Variants in ARHGAP10 observed in about 807,000 individuals in gnomAD.
The protein encoded by ARHGAP10 is Rho GTPase activating protein 10.
In ARHGAP10, 87 loss-of-function variants were observed where a neutral mutation model predicts 108.6. The observed-to-expected ratio is 0.80, with a 90% CI of 0.67 to 0.96. The LOEUF is 0.96. Ranked by LOEUF, ARHGAP10 falls within the 40% of genes least tolerant of loss-of-function variation. The probability of loss-of-function intolerance (pLI) is 0.00; values close to 1 mark genes in which losing one functional copy is unlikely to be tolerated. For synonymous variants in ARHGAP10, 347 were observed against 341.1 expected (o/e 1.02, Z -0.19); for missense variants, 939 against 954.5 (o/e 0.98, Z 0.21).
intron 3 of ARHGAP10, among the ~76,000 whole-genome samples, chr4:147,835,172 C>T (rs1196669095): frequency 6.6e-6 from 1 of 152,122 alleles, no homozygotes; most frequent in Non-Finnish European, 1.5e-5. Flanking sequence ...TGAGGAAACC[C>T]TTGTCCAGAG....
At chr4:147,993,357 G>T (rs555553990) in intron 18 of ARHGAP10, among the ~76,000 whole-genome samples, 1 of 152,358 alleles carries the variant, frequency 6.6e-6, no homozygotes, top group African/African-American at 2.4e-5. Flanking sequence ...AGGTGATGAT[G>T]TATGTAGGAG....
intron 1 of ARHGAP10, among the ~76,000 whole-genome samples, chr4:147,805,346 C>T (rs1166819332): frequency 6.6e-6 from 1 of 152,088 alleles, no homozygotes; most frequent in African/African-American, 2.4e-5. Context: ...GTCTTTGTAC[C>T]AGTACCATGC....
At chr4:147,770,305 A>T (rs1420393501) in intron 1 of ARHGAP10, among the ~76,000 whole-genome samples, 3 of 152,194 alleles carry the variant, frequency 2.0e-5, no homozygotes, top group Admixed American at 2.0e-4. Context: ...TGGGAGGATC[A>T]TTGGAGGTCA....
chr4:147,991,387 A>G (rs1437997757), intron 18 of ARHGAP10, among the ~76,000 whole-genome samples: 1 of 152,086 alleles, frequency 6.6e-6, no homozygotes, highest in African/African-American at 2.4e-5. Context: ...AGCAATCCAA[A>G]TCCACATCCC....
chr4:148,002,449 C>A (rs1578778960), intron 18 of ARHGAP10, among the ~76,000 whole-genome samples: 1 of 152,174 alleles, frequency 6.6e-6, no homozygotes, highest in Non-Finnish European at 1.5e-5. Context: ...GGGAGGATTT[C>A]CTCTTTTTCT....
At chr4:147,784,538 A>C (rs1216561518) in intron 1 of ARHGAP10, among the ~76,000 whole-genome samples, 1 of 97,184 alleles carries the variant, frequency 1.0e-5, no homozygotes, top group Admixed American at 1.4e-4. Flanking sequence ...TAAAACATAT[A>C]TTTTATAGTA....
At chr4:147,880,961 A>G (rs1246580694) in intron 9 of ARHGAP10, among the ~76,000 whole-genome samples, 1 of 152,208 alleles carries the variant, frequency 6.6e-6, no homozygotes, top group Admixed American at 6.5e-5. Context: ...TTAAAACTGT[A>G]CTGTTAATCT....
intron 18 of ARHGAP10, among the ~76,000 whole-genome samples, chr4:148,004,368 A>G (rs1178977097): frequency 1.3e-5 from 2 of 152,224 alleles, no homozygotes; most frequent in African/African-American, 2.4e-5. Flanking sequence ...TAGCCTTTTG[A>G]AAAGAATGAA....
At chr4:148,020,375 G>T (rs1205533689) in intron 18 of ARHGAP10, among the ~76,000 whole-genome samples, 1 of 152,020 alleles carries the variant, frequency 6.6e-6, no homozygotes. Context: ...ATGCTGGTTT[G>T]CTGCACGTAT....
rs1733584940 is a variant in ARHGAP10 at position 147,845,246 on chromosome 4, G to A, written c.313-1905G>A. Among the ~76,000 whole-genome samples the A allele has an allele frequency of 2.0e-5, 3 of 152,174 alleles. No homozygotes were observed. In the South Asian group the frequency reaches 6.2e-4, roughly 32 times the overall value. On this transcript the variant is annotated intron_variant, in intron 3 of 22. Transcript: ENST00000336498. ...CATTTCTCCTTAGACCTCCTCTAATGCATTCCTCACTGTACTCCTACTTTT... is the reference window on the plus strand; with the variant it reads ...CATTTCTCCTTAGACCTCCTCTAATACATTCCTCACTGTACTCCTACTTTT...
At chr4:148,037,477 G>T (rs751108871) in intron 19 of ARHGAP10, among the ~76,000 whole-genome samples, 5 of 152,148 alleles carry the variant, frequency 3.3e-5, no homozygotes, top group Non-Finnish European at 7.3e-5. Context: ...ACTTTGACCT[G>T]TATGTACCAC....
At chr4:147,798,721 GACAC>G (rs1269498548) in intron 1 of ARHGAP10, among the ~76,000 whole-genome samples, 70 of 116,114 alleles carry the variant, frequency 6.0e-4, no homozygotes, top group African/African-American at 3.1e-3. Flanking sequence ...AGGAGTTTGA[GACAC>G]TCTCTCTCTC....
At chr4:147,737,171 A>T (rs1029946879) in intron 1 of ARHGAP10, among the ~76,000 whole-genome samples, 2 of 152,012 alleles carry the variant, frequency 1.3e-5, no homozygotes, top group Non-Finnish European at 2.9e-5. Context: ...TTTATTTGAG[A>T]TGTGAGTCTC....
At chr4:147,844,645 A>G (rs1393153815) in intron 3 of ARHGAP10, among the ~76,000 whole-genome samples, 1 of 152,166 alleles carries the variant, frequency 6.6e-6, no homozygotes, top group Admixed American at 6.5e-5. Context: ...CATGCCAGAA[A>G]TCTGGGAGGG....
At chr4:147,830,566 C>T (rs565095049) in intron 3 of ARHGAP10, among the ~76,000 whole-genome samples, 52 of 140,240 alleles carry the variant, frequency 3.7e-4, no homozygotes, top group African/African-American at 1.4e-3. Context: ...GTCTCCCAGG[C>T]TGAAGTGCAG....
intron 5 of ARHGAP10, chr4:147,860,916 A>G (rs986553677): frequency 6.6e-6 from 1 of 152,194 alleles, no homozygotes; most frequent in Admixed American, 6.5e-5. Context: ...TCATTTTGTG[A>G]CCCTAGTTAC....
intron 16 of ARHGAP10, among the ~76,000 whole-genome samples, chr4:147,956,307 G>A (rs1337613164): frequency 1.3e-5 from 2 of 152,112 alleles, no homozygotes; most frequent in African/African-American, 4.8e-5. Flanking sequence ...ACCGCTGCCT[G>A]AACATTGCTT....
chr4:147,828,973 G>A (rs1416457297), intron 3 of ARHGAP10, among the ~76,000 whole-genome samples: 4 of 151,214 alleles, frequency 2.6e-5, no homozygotes, highest in African/African-American at 9.7e-5. Flanking sequence ...CTGGCTCCCA[G>A]GTTCAAGCGA....
At chr4:147,800,491 A>G (rs1731537260) in intron 1 of ARHGAP10, among the ~76,000 whole-genome samples, 1 of 152,062 alleles carries the variant, frequency 6.6e-6, no homozygotes, top group Non-Finnish European at 1.5e-5. Flanking sequence ...TGGATGGTGT[A>G]GGACTTATCT....
Sources: gnomAD v4.1 joint callset for allele counts (sites outside exome capture counted in the v4.1 genomes callset) on GRCh38, gnomAD v4.1.1 for gene constraint, MANE v1.5 for transcripts, NCBI Gene and HGNC (gene_info 2026-07-23, HGNC 2026-07-21) for gene names.